BNC2: variants seen among roughly 807,000 people sequenced by gnomAD.
BNC2 encodes basonuclin zinc finger protein 2.
BNC2 carries 20 observed loss-of-function variants against 76.3 expected under a neutral mutation model. The observed-to-expected ratio is 0.26, with a 90% CI of 0.18 to 0.38. The LOEUF is 0.38. Ranked by LOEUF, BNC2 falls within the 10% of genes least tolerant of loss-of-function variation. BNC2 has a pLI of 1.00. For missense variants in BNC2, 1,382 were observed against 1,399.8 expected (o/e 0.99, Z 0.20); for synonymous variants, 582 against 514.8 (o/e 1.13, Z -1.77).
At chr9:16,660,769 C>A (rs10962528) in intron 3 of BNC2, among the ~76,000 whole-genome samples, 32,244 of 151,856 alleles carry the variant, frequency 0.21, 3,687 homozygotes, top group Admixed American at 0.33. Context: ...AACAACACAA[C>A]AATAAAAATA....
At chr9:16,551,061 C>CT (rs1818648073) in intron 5 of BNC2, among the ~76,000 whole-genome samples, 1 of 152,160 alleles carries the variant, frequency 6.6e-6, no homozygotes, top group African/African-American at 2.4e-5. Context: ...CCGTCCAAGA[C>CT]TTATCTTCCT....
chr9:16,597,780 G>A (rs925095530), intron 3 of BNC2, among the ~76,000 whole-genome samples: 1 of 151,848 alleles, frequency 6.6e-6, no homozygotes, highest in African/African-American at 2.4e-5. Flanking sequence ...GCTCCTATTT[G>A]TACAAAGCTA....
At chr9:16,461,085 A>G (rs1457347233) in intron 5 of BNC2, among the ~76,000 whole-genome samples, 1 of 152,160 alleles carries the variant, frequency 6.6e-6, no homozygotes, top group Non-Finnish European at 1.5e-5. Context: ...GAAAAACTAT[A>G]CTTTGATCAA....
At chr9:16,582,857 C>A in intron 4 of BNC2, 126 bp downstream of exon 4, 1 of 775,890 alleles carries the variant, frequency 1.3e-6, no homozygotes, top group Admixed American at 1.9e-5. Flanking sequence ...CACAGCTGAC[C>A]TCTCTCTTCT....
intron 4 of BNC2, among the ~76,000 whole-genome samples, chr9:16,555,316 C>A (rs1214579633): frequency 6.6e-6 from 1 of 152,116 alleles, no homozygotes; most frequent in Admixed American, 6.5e-5. Context: ...AGCCACCACA[C>A]CCGGCCAAGG....
Position 16,420,799 on chromosome 9 carries a change from T to C in BNC2, c.2640-1150A>G, listed in dbSNP as rs140432021. 3.0e-3 allele frequency among the ~76,000 whole-genome samples: 464 copies of C among 152,264 alleles called. 8 individuals are homozygous for C. Among genetic ancestry groups the C allele is most frequent in the Admixed American group, 0.02 (299 of 15,294 alleles). ...ATATGTTATCATCTATCTGGAAACA[T>C]TGTCTTTGTATTTATATCCCCCATT... On this transcript the variant is annotated intron_variant, in intron 6 of 6. Transcript: ENST00000380672.
intron 4 of BNC2, among the ~76,000 whole-genome samples, chr9:16,569,317 G>A (rs1221898852): frequency 2.0e-5 from 3 of 151,934 alleles, no homozygotes; most frequent in Non-Finnish European, 4.4e-5. Context: ...ACTGTAGGGA[G>A]GGAAGAGGGA....
In BNC2 at chr9:16,754,140, G is replaced by A. The variant is rs562725945; in HGVS notation, c.4-15655C>T. On this transcript the variant is annotated intron_variant, in intron 1 of 6. Transcript: ENST00000380672. ...CTAAGATAAACTCATTAGAACTGGT[G>A]GTCTACAGAATATTTCACACTGCCA... is the stretch of plus-strand genomic sequence containing the variant. Among the ~76,000 whole-genome samples, 247 of 152,262 alleles carry A rather than the reference G, an allele frequency of 1.6e-3. 5 individuals carry two copies. The highest frequency in any genetic ancestry group is 0.016 in the Admixed American group (245 of 15,292).
intron 2 of BNC2, among the ~76,000 whole-genome samples, chr9:16,728,654 T>G (rs550686430): frequency 6.6e-6 from 1 of 151,792 alleles, no homozygotes; most frequent in Non-Finnish European, 1.5e-5. Flanking sequence ...TGTGCTGGGC[T>G]ATTTATAACC....
intron 1 of BNC2, among the ~76,000 whole-genome samples, chr9:16,812,544 A>G (rs892391235): frequency 2.0e-5 from 3 of 152,186 alleles, no homozygotes; most frequent in African/African-American, 7.2e-5. Context: ...CAGAGATGCA[A>G]TTGAGGCTTT....
chr9:16,445,036 A>C (rs7042297), intron 5 of BNC2, among the ~76,000 whole-genome samples: 1 of 152,034 alleles, frequency 6.6e-6, no homozygotes, highest in African/African-American at 2.4e-5. Context: ...TGTGCCTGCA[A>C]GTGTGTAAGT....
At chr9:16,703,368 T>G (rs1282887603) in intron 3 of BNC2, among the ~76,000 whole-genome samples, 1 of 152,024 alleles carries the variant, frequency 6.6e-6, no homozygotes, top group East Asian at 1.9e-4. Flanking sequence ...CAGAGCAATA[T>G]TCTCCGGAAA....
intron 1 of BNC2, among the ~76,000 whole-genome samples, chr9:16,837,232 T>C (rs1480664913): frequency 6.6e-6 from 1 of 152,168 alleles, no homozygotes; most frequent in Non-Finnish European, 1.5e-5. Context: ...CTGGCCAGGC[T>C]TGGTGGCTCA....
At chr9:16,870,445 G>A (rs745911391) in intron 1 of BNC2, among the ~76,000 whole-genome samples, 2 of 151,980 alleles carry the variant, frequency 1.3e-5, no homozygotes, top group Non-Finnish European at 1.5e-5. Context: ...CCAAGTTTAG[G>A]GGAGGCCACT....
chr9:16,449,841 C>CA (rs1821303063), intron 5 of BNC2, among the ~76,000 whole-genome samples: 1 of 79,654 alleles, frequency 1.3e-5, no homozygotes, highest in Non-Finnish European at 2.5e-5. Flanking sequence ...AAAGGTGGGG[C>CA]GGGGGGGGAG....
chr9:16,560,039 G>A (rs1818961922), intron 4 of BNC2, among the ~76,000 whole-genome samples: 1 of 152,200 alleles, frequency 6.6e-6, no homozygotes, highest in African/African-American at 2.4e-5. Flanking sequence ...GTAGGTAGAC[G>A]GAACTAAGGC....
At chr9:16,806,215 C>T (rs143944080) in intron 1 of BNC2, among the ~76,000 whole-genome samples, 2 of 152,124 alleles carry the variant, frequency 1.3e-5, no homozygotes, top group African/African-American at 4.8e-5. Flanking sequence ...GTAGCTCATG[C>T]CTATAATCCC....
At chr9:16,642,666 T>C (rs950578669) in intron 3 of BNC2, among the ~76,000 whole-genome samples, 1 of 152,202 alleles carries the variant, frequency 6.6e-6, no homozygotes, top group East Asian at 1.9e-4. Flanking sequence ...TGTCTTAAGA[T>C]TCAAGAATCA....
At chr9:16,695,531 CT>C (rs1165218884) in intron 3 of BNC2, among the ~76,000 whole-genome samples, 24 of 107,824 alleles carry the variant, frequency 2.2e-4, no homozygotes, top group Middle Eastern at 5.2e-3. Flanking sequence ...TTTTCTTTTT[CT>C]TTCTTTTTTT....
Sources: gnomAD v4.1 joint callset for allele counts (sites outside exome capture counted in the v4.1 genomes callset) on GRCh38, gnomAD v4.1.1 for gene constraint, MANE v1.5 for transcripts, NCBI Gene and HGNC (gene_info 2026-07-23, HGNC 2026-07-21) for gene names.